The following SLC8A3 variants were observed in gnomAD, a reference collection of about 807,000 sequenced individuals.
The protein encoded by SLC8A3 is solute carrier family 8 member A3, also known as sodium/calcium exchanger 3.
In SLC8A3, 37 loss-of-function variants were observed where a neutral mutation model predicts 65.4. The observed-to-expected ratio is 0.57, with a 90% CI of 0.44 to 0.74. SLC8A3 has a LOEUF of 0.74. Ranked by LOEUF, SLC8A3 falls within the 30% of genes least tolerant of loss-of-function variation. SLC8A3 has a pLI of 0.00. For synonymous variants in SLC8A3, 461 were observed against 444.5 expected, an observed-to-expected ratio of 1.04 and a Z score of -0.47; for missense variants, 1,112 against 1,172.1, an observed-to-expected ratio of 0.95 and a Z score of 0.75.
chr14:70,111,290 G>A (rs1893285412), intron 2 of SLC8A3, among the ~76,000 whole-genome samples: 2 of 152,198 alleles, frequency 1.3e-5, no homozygotes, highest in Admixed American at 6.5e-5. Flanking sequence ...AGTACTAAAT[G>A]TTTAAGCTGC....
intron 5 of SLC8A3, among the ~76,000 whole-genome samples, chr14:70,049,859 A>G (rs767803179): frequency 7.9e-5 from 12 of 152,186 alleles, no homozygotes; most frequent in South Asian, 2.1e-4. Context: ...CCCTCCTCCA[A>G]ACATCTCATG....
At chr14:70,148,119 T>C (rs1456858922) in intron 2 of SLC8A3, among the ~76,000 whole-genome samples, 1 of 152,236 alleles carries the variant, frequency 6.6e-6, no homozygotes, top group African/African-American at 2.4e-5. Flanking sequence ...ATAAATTATA[T>C]GAGATATTCA....
intron 2 of SLC8A3, among the ~76,000 whole-genome samples, chr14:70,067,337 G>A (rs1277896828): frequency 1.3e-5 from 2 of 152,170 alleles, no homozygotes; most frequent in Non-Finnish European, 2.9e-5. Flanking sequence ...TAGTTAGTTA[G>A]TTACTGGATG....
At chr14:70,122,115 G>T (rs1894108299) in intron 2 of SLC8A3, among the ~76,000 whole-genome samples, 1 of 152,194 alleles carries the variant, frequency 6.6e-6, no homozygotes, top group Non-Finnish European at 1.5e-5. Context: ...AAGAAGCCAG[G>T]ATAGAGCCAA....
At chr14:70,182,994 AG>A (rs1180653968) in intron 1 of SLC8A3, among the ~76,000 whole-genome samples, 5 of 152,200 alleles carry the variant, frequency 3.3e-5, no homozygotes, top group African/African-American at 9.7e-5. Flanking sequence ...TGGAGAAATC[AG>A]GGTGCAAAGG....
chr14:70,111,888 G>T (rs1893328815), intron 2 of SLC8A3, among the ~76,000 whole-genome samples: 1 of 152,178 alleles, frequency 6.6e-6, no homozygotes, highest in African/African-American at 2.4e-5. Context: ...GGAGGAAAGG[G>T]GCCAGGGCAC....
chr14:70,046,189 C>T lies in SLC8A3; in HGVS notation c.2524G>A (p.Ala842Thr). The change falls in exon 7 of 7, where the codon GCT (alanine) becomes ACT (threonine). Residue 842 changes from alanine to threonine, a missense_variant. By Grantham distance (58) the Ala-to-Thr change is moderately conservative. Coordinates refer to ENST00000356921, the MANE Select transcript of SLC8A3 (RefSeq NM_182932.3). The surrounding 1 kb of genome is among the most constrained non-coding windows in gnomAD (Gnocchi z 4.2). ...ACGTGGAACTCCTGTCCCTGCAGAG[C>T]CCAGTAGATGGCGGCCACGGACCAG... ...LAWSVAAIYWALQGQEFHVSA... is the reference protein window; with the variant it reads ...LAWSVAAIYWTLQGQEFHVSA... 1 of 1,614,206 alleles carries T rather than the reference C, an allele frequency of 6.2e-7. No individual in the cohort carries two copies. The highest frequency in any genetic ancestry group is 8.5e-7 in the Non-Finnish European group (1 of 1,180,034).
intron 2 of SLC8A3, among the ~76,000 whole-genome samples, chr14:70,107,520 A>G (rs572879226): frequency 1.3e-5 from 2 of 152,260 alleles, no homozygotes; most frequent in South Asian, 2.1e-4. Flanking sequence ...AAGCCTTGGG[A>G]CATTTCAAAC....
chr14:70,046,243 C>G lies in SLC8A3; in HGVS notation c.2470G>C (p.Val824Leu). ...SIGNVTGSNA[V>L]NVFLGIGLAW... ...AGGCCGATGCCCAGGAAGACATTGACGGCGTTGCTGCCCGTCACGTTGCCA... is the reference window on the plus strand; with the variant it reads ...AGGCCGATGCCCAGGAAGACATTGAGGGCGTTGCTGCCCGTCACGTTGCCA... The change falls in exon 7 of 7, where the codon GTC becomes CTC. Residue 824 changes from valine to leucine, a missense_variant. Transcript: ENST00000356921. This position sits in a 1 kb window ranked among gnomAD's most constrained non-coding sequence, Gnocchi z 4.2. 6.2e-7 allele frequency: 1 copy of G among 1,614,198 alleles called. No homozygotes were observed. Among genetic ancestry groups the G allele is most frequent in the South Asian group, 1.1e-5 (1 of 91,080 alleles).
At chr14:70,066,345 T>G (rs1325435469) in intron 2 of SLC8A3, among the ~76,000 whole-genome samples, 1 of 152,238 alleles carries the variant, frequency 6.6e-6, no homozygotes, top group Non-Finnish European at 1.5e-5. Context: ...GAGTTTTCTT[T>G]CCAAACTTGT....
At chr14:70,130,622 G>C (rs1485713809) in intron 2 of SLC8A3, among the ~76,000 whole-genome samples, 4 of 152,312 alleles carry the variant, frequency 2.6e-5, no homozygotes, top group Middle Eastern at 3.4e-3. Context: ...CTTGTCTGAG[G>C]AGAGCCATGA....
chr14:70,168,147 G>A lies in SLC8A3; in HGVS notation c.276C>T (p.Ser92=). 6.2e-7 allele frequency: 1 copy of A among 1,614,092 alleles called. No homozygotes were observed. The highest frequency in any genetic ancestry group is 8.5e-7 in the Non-Finnish European group (1 of 1,180,024). Residue 92 remains serine (S), a synonymous_variant, in exon 2 of 7, where the codon TCC becomes TCT. Coordinates refer to ENST00000356921, the MANE Select transcript of SLC8A3 (RefSeq NM_182932.3). ...VALIYMFLGV[S]IIADRFMASI... ...ATGCCATGAAGCGGTCAGCAATGAT[G>A]GACACCCCAAGGAACATGTATATCA...
At chr14:70,181,065 C>T (rs756747389) in intron 1 of SLC8A3, among the ~76,000 whole-genome samples, 4 of 152,208 alleles carry the variant, frequency 2.6e-5, no homozygotes, top group Non-Finnish European at 5.9e-5. Flanking sequence ...TCACAGAATA[C>T]AGAATTGTCA....
At position 70,052,266 on chromosome 14, in the gene SLC8A3, T is replaced by C. The variant is rs528150527; in HGVS notation, c.1889-152A>G. On this transcript the variant is annotated intron_variant, in intron 3 of 6. Coordinates refer to ENST00000356921, the MANE Select transcript of SLC8A3 (RefSeq NM_182932.3). Reference sequence around the variant, plus strand: ...TATTTTTAGTGCCTTTTTTATGAAGTACTAAACACTTTATAACCAGACCAT... The same window carrying C: ...TATTTTTAGTGCCTTTTTTATGAAGCACTAAACACTTTATAACCAGACCAT... 4.1e-5 allele frequency: 37 copies of C among 911,728 alleles called. No individual in the cohort carries two copies. The African/African-American group carries it at 5.2e-4, about 13-fold the overall frequency. 56.5% of individuals were successfully genotyped at this position (911,728 alleles called of 1,614,324 possible). A position where few individuals can be genotyped will look rare whatever the true frequency, so the allele number is the denominator to read the frequency against.
chr14:70,168,601 G>C (rs1429109718), intron 1 of SLC8A3, 117 bp from the exon 2 acceptor site: 1 of 585,948 alleles, frequency 1.7e-6, no homozygotes, highest in African/African-American at 1.9e-5. Flanking sequence ...TAACATATGG[G>C]GCAGTCTCTC....
chr14:70,088,055 G>T (rs556381506), intron 2 of SLC8A3, among the ~76,000 whole-genome samples: 1 of 152,322 alleles, frequency 6.6e-6, no homozygotes, highest in South Asian at 2.1e-4. Context: ...TGAAAGGGCT[G>T]GGATGGAGCA....
chr14:70,085,515 C>T lies in SLC8A3; in HGVS notation c.1785-24576G>A, dbSNP rs183357659. Among the ~76,000 whole-genome samples, 372 of 152,276 alleles carry T rather than the reference C, an allele frequency of 2.4e-3. 1 individual carries two copies. Among genetic ancestry groups the T allele is most frequent in the Non-Finnish European group, 3.5e-3 (238 of 68,032 alleles). On this transcript the variant is annotated intron_variant, in intron 2 of 6. Coordinates refer to ENST00000356921, the MANE Select transcript of SLC8A3 (RefSeq NM_182932.3). Reference sequence around the variant, plus strand: ...TTACCTTTAACCCGACCCACCTCCCCGCCTGCAATGACCCACATTGACTGA... The same window carrying T: ...TTACCTTTAACCCGACCCACCTCCCTGCCTGCAATGACCCACATTGACTGA...
chr14:70,091,480 C>G (rs1891801306), intron 2 of SLC8A3, among the ~76,000 whole-genome samples: 2 of 152,178 alleles, frequency 1.3e-5, no homozygotes, highest in Non-Finnish European at 2.9e-5. Flanking sequence ...GACTCCTACT[C>G]TCTTTTATTA....
At chr14:70,117,651 A>G (rs1476753852) in intron 2 of SLC8A3, among the ~76,000 whole-genome samples, 1 of 152,132 alleles carries the variant, frequency 6.6e-6, no homozygotes, top group African/African-American at 2.4e-5. Context: ...TGCTGTCTCT[A>G]GAGAGACTAC....
Sources: allele counts gnomAD v4.1 joint callset (sites outside exome capture counted in the v4.1 genomes callset), GRCh38; gene constraint gnomAD v4.1.1; non-coding constraint Gnocchi (gnomAD v3.1); transcripts MANE v1.5; gene names NCBI Gene and HGNC (gene_info 2026-07-23, HGNC 2026-07-21).